NEGR1: variants seen among roughly 807,000 people sequenced by gnomAD.
NEGR1 encodes the protein neuronal growth regulator 1, also known as IgLON family member 4.
NEGR1 carries 10 observed loss-of-function variants against 40.9 expected under a neutral mutation model. That is an observed-to-expected ratio of 0.24 (90% CI 0.15 to 0.42). The LOEUF (loss-of-function observed/expected upper bound fraction) is 0.42, where lower values mean the gene tolerates loss of function less well. Among genes scored for constraint, NEGR1 ranks in the 10% least tolerant of loss-of-function variants. The probability of loss-of-function intolerance (pLI) is 1.00; values close to 1 mark genes in which losing one functional copy is unlikely to be tolerated. For synonymous variants in NEGR1, 185 were observed against 166.8 expected (o/e 1.11, Z -0.84); for missense variants, 352 against 438.9 (o/e 0.80, Z 1.77).
rs1646213181 is a variant in NEGR1, at chr1:71,396,605, G to A, written c.*10841C>T. The A allele has an allele frequency of 6.6e-6, 1 of 152,228 alleles. No homozygotes were observed. The highest frequency in any genetic ancestry group is 2.4e-5 in the African/African-American group (1 of 41,452). 9.4% of individuals were successfully genotyped at this position (152,228 alleles called of 1,614,324 possible). A position where few individuals can be genotyped will look rare whatever the true frequency, so the allele number is the denominator to read the frequency against. On this transcript the variant is annotated 3_prime_UTR_variant, in exon 7 of 7. Coordinates refer to ENST00000357731, the MANE Select transcript of NEGR1 (RefSeq NM_173808.3). ...ATCTCATTTTGAATTCCCACATATTGTGAGAGGGACTTGGTGGGAGGTAAT... is the reference window on the plus strand; with the variant it reads ...ATCTCATTTTGAATTCCCACATATTATGAGAGGGACTTGGTGGGAGGTAAT...
intron 3 of NEGR1, among the ~76,000 whole-genome samples, chr1:71,734,094 T>C (rs1004339383): frequency 1.3e-5 from 2 of 152,182 alleles, no homozygotes; most frequent in African/African-American, 4.8e-5. Flanking sequence ...GACTGATGCA[T>C]TCCAAACATT....
chr1:71,964,186 C>A (rs1646191692), intron 1 of NEGR1, among the ~76,000 whole-genome samples: 1 of 152,138 alleles, frequency 6.6e-6, no homozygotes, highest in Admixed American at 6.6e-5. Context: ...ACCACATCGC[C>A]CATGCCACAG....
intron 1 of NEGR1, among the ~76,000 whole-genome samples, chr1:72,264,867 G>A (rs114242411): frequency 6.6e-6 from 1 of 150,414 alleles, no homozygotes; most frequent in African/African-American, 2.4e-5. Flanking sequence ...CTAAAATAAT[G>A]TACCAAAGTT....
At chr1:71,652,441 A>C (rs1016274410) in intron 4 of NEGR1, among the ~76,000 whole-genome samples, 1 of 152,200 alleles carries the variant, frequency 6.6e-6, no homozygotes, top group Admixed American at 6.5e-5. Flanking sequence ...GTTTATAAAT[A>C]AAGTTATATG....
intron 1 of NEGR1, among the ~76,000 whole-genome samples, chr1:71,944,674 G>C (rs187503582): frequency 6.6e-6 from 1 of 152,044 alleles, no homozygotes; most frequent in Non-Finnish European, 1.5e-5. Flanking sequence ...CATTTAAAAA[G>C]CAAAATGAAT....
At chr1:71,450,404 A>T (rs981626237) in intron 6 of NEGR1, among the ~76,000 whole-genome samples, 1 of 152,212 alleles carries the variant, frequency 6.6e-6, no homozygotes, top group Non-Finnish European at 1.5e-5. Flanking sequence ...TTTAAATCGT[A>T]AATACTATAT....
intron 1 of NEGR1, among the ~76,000 whole-genome samples, chr1:72,238,701 C>A (rs1264568019): frequency 3.3e-5 from 5 of 151,856 alleles, no homozygotes; most frequent in Admixed American, 1.3e-4. Flanking sequence ...TATTATATAA[C>A]CCTATTGTAT....
intron 2 of NEGR1, among the ~76,000 whole-genome samples, chr1:71,928,222 G>GTA (rs1645806773): frequency 2.9e-5 from 3 of 102,886 alleles, no homozygotes; most frequent in East Asian, 2.7e-4. Context: ...ACACACATAT[G>GTA]TATATACGTA....
chr1:71,553,005 T>A (rs906129582), intron 6 of NEGR1, among the ~76,000 whole-genome samples: 2 of 151,534 alleles, frequency 1.3e-5, no homozygotes, highest in African/African-American at 4.8e-5. Context: ...TTTATTTATT[T>A]GCAGTCTATT....
intron 5 of NEGR1, 24 bp from the exon 6 acceptor site, chr1:71,592,992 G>A (rs775339068): frequency 2.2e-5 from 34 of 1,570,480 alleles, no homozygotes; most frequent in Non-Finnish European, 2.3e-5. Context: ...TAAGCTCTAG[G>A]TAAATATGTA....
intron 4 of NEGR1, among the ~76,000 whole-genome samples, chr1:71,693,487 T>C (rs964025017): frequency 6.6e-6 from 1 of 151,640 alleles, no homozygotes; most frequent in African/African-American, 2.4e-5. Flanking sequence ...CGTTTCCACA[T>C]AGAGCTGACA....
intron 2 of NEGR1, among the ~76,000 whole-genome samples, chr1:71,843,853 A>G (rs558955425): frequency 1.3e-5 from 2 of 152,314 alleles, no homozygotes; most frequent in African/African-American, 2.4e-5. Context: ...CATTAATTCA[A>G]TATTCTAGTG....
chr1:72,047,305 G>A (rs11209896), intron 1 of NEGR1, among the ~76,000 whole-genome samples: 57,846 of 151,002 alleles, frequency 0.38, 12,045 homozygotes, highest in East Asian at 0.6. Flanking sequence ...AGAGTCTCCT[G>A]TCATGCAGCA....
intron 1 of NEGR1, among the ~76,000 whole-genome samples, chr1:71,945,605 TC>T (rs200135064): frequency 0.059 from 8,986 of 151,418 alleles, 863 homozygotes; most frequent in African/African-American, 0.21. Context: ...CACAAAAGTT[TC>T]TTTTTTTATA....
chr1:71,920,144 G>C (rs1213300835), intron 2 of NEGR1, among the ~76,000 whole-genome samples: 1 of 152,138 alleles, frequency 6.6e-6, no homozygotes, highest in Non-Finnish European at 1.5e-5. Context: ...CAGCTCCGAG[G>C]AGCTGTACAT....
intron 6 of NEGR1, among the ~76,000 whole-genome samples, chr1:71,542,260 G>A (rs1350545367): frequency 6.6e-6 from 1 of 151,716 alleles, no homozygotes; most frequent in Non-Finnish European, 1.5e-5. Flanking sequence ...TCTGAGAACT[G>A]CCATACTAAA....
chr1:71,756,573 T>C (rs928466543), intron 3 of NEGR1, among the ~76,000 whole-genome samples: 1 of 152,090 alleles, frequency 6.6e-6, no homozygotes, highest in African/African-American at 2.4e-5. Flanking sequence ...AATACCCAGT[T>C]GTAATCAACT....
At chr1:71,872,904 C>A (rs1025911181) in intron 2 of NEGR1, among the ~76,000 whole-genome samples, 26 of 151,902 alleles carry the variant, frequency 1.7e-4, no homozygotes, top group Non-Finnish European at 2.5e-4. Flanking sequence ...TCTCTTTTTA[C>A]TTCATTTCTT....
chr1:71,642,968 A>C (rs1242901148), intron 4 of NEGR1, among the ~76,000 whole-genome samples: 1 of 151,954 alleles, frequency 6.6e-6, no homozygotes, highest in Non-Finnish European at 1.5e-5. Flanking sequence ...GTATATTCAG[A>C]AGTGAATAAA....
Sources: allele counts gnomAD v4.1 joint callset (sites outside exome capture counted in the v4.1 genomes callset), GRCh38; gene constraint gnomAD v4.1.1; transcripts MANE v1.5; gene names NCBI Gene and HGNC (gene_info 2026-07-23, HGNC 2026-07-21).